The following ERC2 variants were observed in gnomAD, a reference collection of about 807,000 sequenced individuals.
ERC2 encodes the protein ELKS/RAB6-interacting/CAST family member 2.
Under a neutral mutation model 114.8 loss-of-function variants are expected in ERC2, and 42 were observed. The ratio of observed to expected loss-of-function variants is 0.37; its 90% CI spans 0.29 to 0.47. The LOEUF (loss-of-function observed/expected upper bound fraction) is 0.47, where lower values mean the gene tolerates loss of function less well. ERC2 is among the 20% of genes least tolerant of loss of function. The pLI is 0.99. For missense variants in ERC2, 939 were observed against 1,150.7 expected, an observed-to-expected ratio of 0.82 and a Z score of 2.66; for synonymous variants, 454 against 425.5, an observed-to-expected ratio of 1.07 and a Z score of -0.82.
intron 12 of ERC2, among the ~76,000 whole-genome samples, chr3:55,970,401 T>C (rs1356935226): frequency 6.6e-6 from 1 of 151,744 alleles, no homozygotes; most frequent in Non-Finnish European, 1.5e-5. Flanking sequence ...GTAGTATTAG[T>C]AATAAAAATT....
At chr3:56,037,394 T>C (rs1047955262) in intron 7 of ERC2, among the ~76,000 whole-genome samples, 8 of 151,928 alleles carry the variant, frequency 5.3e-5, no homozygotes, top group Non-Finnish European at 1.2e-4. Context: ...ACATGAGAAC[T>C]TCACAATGCA....
In ERC2 at chr3:55,905,530, T is replaced by C. The variant is rs1046592778; in HGVS notation, c.2404-16981A>G. ...ACTTAACAGTAACTCCGAGGGGAAG[T>C]CACCATTTGTATAGGTGGAGGAAGC... On this transcript the variant is annotated intron_variant, in intron 13 of 17. Coordinates refer to ENST00000288221, the MANE Select transcript of ERC2 (RefSeq NM_015576.3). 6.8e-5 allele frequency among the ~76,000 whole-genome samples: 10 copies of C among 147,560 alleles called. No individual in the cohort carries two copies. In the East Asian group the frequency reaches 1.8e-3, roughly 27 times the overall value.
chr3:56,042,507 T>A (rs979776863), intron 7 of ERC2, among the ~76,000 whole-genome samples: 1 of 152,092 alleles, frequency 6.6e-6, no homozygotes, highest in Non-Finnish European at 1.5e-5. Flanking sequence ...TACCAAACAG[T>A]GTCCCTGAGA....
intron 12 of ERC2, among the ~76,000 whole-genome samples, chr3:55,978,930 C>A (rs936303935): frequency 6.6e-6 from 1 of 152,098 alleles, no homozygotes; most frequent in African/African-American, 2.4e-5. Flanking sequence ...CTTAGGAATC[C>A]CTAAAAAGCC....
intron 6 of ERC2, among the ~76,000 whole-genome samples, chr3:56,126,788 G>GAAAGAAAAT (rs1217193862): frequency 1.5e-5 from 1 of 68,946 alleles, no homozygotes; most frequent in Non-Finnish European, 2.6e-5. Flanking sequence ...AGAAAGAAAA[G>GAAAGAAAAT]AAAGAAGGAA....
In ERC2 at chr3:55,844,301, C is replaced by T. The variant is rs1430216577; in HGVS notation, c.2564+44088G>A. Among the ~76,000 whole-genome samples the T allele has an allele frequency of 6.6e-5, 10 of 152,022 alleles. No individual in the cohort carries two copies. The East Asian group carries it at 1.9e-3, about 29-fold the overall frequency. On this transcript the variant is annotated intron_variant, in intron 14 of 17. Transcript: ENST00000288221. ...ATTCATAATAGTCCCCAAATGGAAA[C>T]ATACATGAAAAACAGAATGGTTTAA...
At chr3:55,748,365 C>A (rs926695946) in intron 14 of ERC2, among the ~76,000 whole-genome samples, 7 of 152,180 alleles carry the variant, frequency 4.6e-5, no homozygotes, top group African/African-American at 1.7e-4. Context: ...TACTGAGTGA[C>A]CACTGTGTAC....
At chr3:56,274,022 G>A (rs1370666068) in intron 3 of ERC2, among the ~76,000 whole-genome samples, 1 of 152,170 alleles carries the variant, frequency 6.6e-6, no homozygotes, top group African/African-American at 2.4e-5. Flanking sequence ...TATAGATGAG[G>A]AATTGGTTAC....
intron 17 of ERC2, among the ~76,000 whole-genome samples, chr3:55,548,658 C>A (rs2054928454): frequency 6.6e-6 from 1 of 152,238 alleles, no homozygotes; most frequent in Non-Finnish European, 1.5e-5. Context: ...CCAGTTCTGA[C>A]AATCAAAAGC....
At chr3:55,979,085 T>C (rs974023690) in intron 12 of ERC2, among the ~76,000 whole-genome samples, 1 of 152,198 alleles carries the variant, frequency 6.6e-6, no homozygotes, top group Non-Finnish European at 1.5e-5. Context: ...TTCATTATTA[T>C]AACCAACTCA....
Position 56,017,597 on chromosome 3 carries a change from C to T in ERC2, c.1779+1297G>A, listed in dbSNP as rs564139513. Among the ~76,000 whole-genome samples the T allele has an allele frequency of 7.2e-4, 110 of 152,258 alleles. 1 individual carries two copies. Among genetic ancestry groups the T allele is most frequent in the African/African-American group, 2.5e-3 (105 of 41,544 alleles). On this transcript the variant is annotated intron_variant, in intron 8 of 17. Transcript: ENST00000288221. ...GGGCTTTCTCCCTCCACAAGGGCTC[C>T]TGGCTCACCACTCACTTTCTTCAAG...
chr3:55,881,197 T>C (rs2063104765), intron 14 of ERC2, among the ~76,000 whole-genome samples: 1 of 152,200 alleles, frequency 6.6e-6, no homozygotes, highest in Admixed American at 6.5e-5. Context: ...GGTACTTACC[T>C]AATGAGTGGC....
intron 6 of ERC2, among the ~76,000 whole-genome samples, chr3:56,085,350 G>A (rs2077448905): frequency 1.3e-5 from 2 of 152,200 alleles, no homozygotes. Context: ...TCACAGATGT[G>A]TGGAGCCCCC....
intron 4 of ERC2, among the ~76,000 whole-genome samples, chr3:56,171,463 C>T (rs958748959): frequency 9.2e-5 from 14 of 152,130 alleles, no homozygotes; most frequent in African/African-American, 2.2e-4. Flanking sequence ...GATCCGTTTC[C>T]GTTTCCTGAA....
At chr3:55,914,095 GA>G (rs1159653384) in intron 13 of ERC2, among the ~76,000 whole-genome samples, 2 of 151,948 alleles carry the variant, frequency 1.3e-5, no homozygotes, top group Non-Finnish European at 2.9e-5. Context: ...CTCATCTTGA[GA>G]AAAGTCTCCA....
intron 17 of ERC2, among the ~76,000 whole-genome samples, chr3:55,638,594 G>A (rs1451101543): frequency 6.6e-6 from 1 of 152,162 alleles, no homozygotes; most frequent in African/African-American, 2.4e-5. Flanking sequence ...AAAGAGTCAC[G>A]TTAGAGTCTG....
intron 13 of ERC2, among the ~76,000 whole-genome samples, chr3:55,911,301 T>G (rs573330060): frequency 4.1e-4 from 62 of 152,196 alleles, no homozygotes; most frequent in Non-Finnish European, 7.1e-4. Flanking sequence ...TTGCCACTAT[T>G]GAGAGATTTC....
intron 7 of ERC2, among the ~76,000 whole-genome samples, chr3:56,072,655 T>C: frequency 6.6e-6 from 1 of 152,200 alleles, no homozygotes; most frequent in East Asian, 1.9e-4. Flanking sequence ...AAGATATATT[T>C]AATGTGAATA....
At chr3:55,694,977 A>G (rs2062853609) in intron 16 of ERC2, among the ~76,000 whole-genome samples, 1 of 152,202 alleles carries the variant, frequency 6.6e-6, no homozygotes, top group Non-Finnish European at 1.5e-5. Context: ...GAATGAGCTT[A>G]ATAAAATATG....
Sources: gnomAD v4.1 joint callset for allele counts (sites outside exome capture counted in the v4.1 genomes callset) on GRCh38, gnomAD v4.1.1 for gene constraint, MANE v1.5 for transcripts, NCBI Gene and HGNC (gene_info 2026-07-23, HGNC 2026-07-21) for gene names.